DCLK2: variants seen among roughly 807,000 people sequenced by gnomAD.
The protein encoded by DCLK2 is serine/threonine-protein kinase DCLK2.
A neutral mutation model predicts 78.4 loss-of-function variants in DCLK2; 31 were observed. That is an observed-to-expected ratio of 0.40 (90% CI 0.30 to 0.53). DCLK2 has a LOEUF of 0.53. Ranked by LOEUF, DCLK2 falls within the 20% of genes least tolerant of loss-of-function variation. The pLI, the probability that DCLK2 is intolerant of heterozygous loss-of-function variation, is 0.61. For missense variants in DCLK2, 872 were observed against 973.7 expected (o/e 0.90, Z 1.39); for synonymous variants, 407 against 374.9 (o/e 1.09, Z -0.99).
intron 5 of DCLK2, among the ~76,000 whole-genome samples, chr4:150,219,255 A>G (rs1351924942): frequency 8.8e-6 from 1 of 113,522 alleles, no homozygotes; most frequent in Non-Finnish European, 1.9e-5. Flanking sequence ...GTTCACAAAC[A>G]TTCTTTTTTT....
intron 2 of DCLK2, among the ~76,000 whole-genome samples, chr4:150,140,507 C>T (rs72730361): frequency 0.014 from 2,079 of 152,314 alleles, 23 homozygotes; most frequent in South Asian, 0.027. Context: ...GGCAGAGTTG[C>T]TCACAAAACA....
chr4:150,224,694 C>A, intron 8 of DCLK2, 136 bp downstream of exon 8: 1 of 593,450 alleles, frequency 1.7e-6, no homozygotes, highest in South Asian at 3.6e-5. Context: ...GTGGGAAAAA[C>A]AGTTAAGCGG....
intron 10 of DCLK2, among the ~76,000 whole-genome samples, chr4:150,233,894 T>C (rs1287232739): frequency 1.3e-5 from 2 of 152,210 alleles, no homozygotes; most frequent in African/African-American, 4.8e-5. Flanking sequence ...TATAGAAGAA[T>C]TTTAGAGAAA....
intron 2 of DCLK2, among the ~76,000 whole-genome samples, chr4:150,138,126 G>A (rs1733826748): frequency 6.6e-6 from 1 of 152,188 alleles, no homozygotes; most frequent in African/African-American, 2.4e-5. Flanking sequence ...TAAAGTATTT[G>A]GAAGTAGCTT....
chr4:150,179,774 T>C (rs558657479), intron 2 of DCLK2, among the ~76,000 whole-genome samples: 65 of 152,208 alleles, frequency 4.3e-4, no homozygotes, highest in Non-Finnish European at 8.1e-4. Flanking sequence ...AAAACTGCAG[T>C]TACTTTTGCA....
rs1734002159 is a variant in DCLK2, at chr4:150,139,985, CTTAG to C, written c.756+37178_756+37181del. ...AAATTATCCTTCTAGAATGTCACTG[CTTAG>C]TTAGAGCTTAGCCTCATACAGTCTA... On this transcript the variant is annotated intron_variant, in intron 2 of 15. Transcript: ENST00000296550. 3.9e-5 allele frequency among the ~76,000 whole-genome samples: 6 copies of C among 152,248 alleles called. 1 individual carries two copies. Among genetic ancestry groups the C allele is most frequent in the Middle Eastern group, 3.4e-3 (1 of 294 alleles).
At chr4:150,094,086 G>C (rs1018984549) in intron 1 of DCLK2, among the ~76,000 whole-genome samples, 5 of 152,070 alleles carry the variant, frequency 3.3e-5, no homozygotes, top group Admixed American at 6.5e-5. Flanking sequence ...TTAAATATAA[G>C]ATCTGAAACT....
chr4:150,254,538 G>A, intron 15 of DCLK2: 1 of 398,508 alleles, frequency 2.5e-6, no homozygotes, highest in Non-Finnish European at 4.4e-6. Flanking sequence ...TTGTTTTCTT[G>A]TACCCAGGAG....
intron 2 of DCLK2, among the ~76,000 whole-genome samples, chr4:150,119,044 T>TATA (rs70937317): frequency 0.2 from 22,818 of 115,182 alleles, 1,911 homozygotes; most frequent in Middle Eastern, 0.25. Context: ...ACAATAATAA[T>TATA]ATAATAATAA....
At chr4:150,186,678 A>G (rs1202346726) in intron 2 of DCLK2, among the ~76,000 whole-genome samples, 2 of 152,330 alleles carry the variant, frequency 1.3e-5, no homozygotes, top group Non-Finnish European at 2.9e-5. Flanking sequence ...ATTTTATCAG[A>G]TGTTCTACAT....
chr4:150,185,731 A>G (rs1187580382), intron 2 of DCLK2, among the ~76,000 whole-genome samples: 1 of 151,778 alleles, frequency 6.6e-6, no homozygotes, highest in African/African-American at 2.4e-5. Flanking sequence ...AAAAAAAATT[A>G]ATTAATAAAT....
rs973934366 is a variant in DCLK2, at chr4:150,146,046, C to T, written c.756+43234C>T. 3.9e-5 allele frequency among the ~76,000 whole-genome samples: 6 copies of T among 152,270 alleles called. 1 individual carries two copies. In the East Asian group the frequency reaches 5.8e-4, roughly 15 times the overall value. Reference sequence around the variant, plus strand: ...GCAAAACAATTTCCTGCCTCCTAGCCTCCTGTTCATCTTTAAGTGCTGGAG... The same window carrying T: ...GCAAAACAATTTCCTGCCTCCTAGCTTCCTGTTCATCTTTAAGTGCTGGAG... On this transcript the variant is annotated intron_variant, in intron 2 of 15. Coordinates refer to ENST00000296550, the MANE Select transcript of DCLK2 (RefSeq NM_001040260.4).
chr4:150,210,044 C>T (rs1217189320), intron 5 of DCLK2, among the ~76,000 whole-genome samples: 1 of 152,186 alleles, frequency 6.6e-6, no homozygotes, highest in East Asian at 1.9e-4. Flanking sequence ...CACTTCATTC[C>T]AGCCTGGGCT....
At chr4:150,153,083 A>G (rs1735007851) in intron 2 of DCLK2, among the ~76,000 whole-genome samples, 1 of 152,164 alleles carries the variant, frequency 6.6e-6, no homozygotes, top group Admixed American at 6.5e-5. Flanking sequence ...AGTAAATGAG[A>G]ATTTTATTGG....
chr4:150,240,258 C>T, intron 11 of DCLK2, 141 bp from the exon 12 acceptor site: 3 of 716,300 alleles, frequency 4.2e-6, no homozygotes, highest in Non-Finnish European at 6.8e-6. Context: ...AAGTGTGATT[C>T]ATTCATCTCT....
At chr4:150,195,728 G>A (rs1441220589) in intron 3 of DCLK2, among the ~76,000 whole-genome samples, 2 of 151,146 alleles carry the variant, frequency 1.3e-5, no homozygotes, top group East Asian at 1.9e-4. Flanking sequence ...TACTTGGATC[G>A]TTGGTAGTTT....
chr4:150,245,864 C>A (rs889508723), intron 12 of DCLK2, among the ~76,000 whole-genome samples: 1 of 152,118 alleles, frequency 6.6e-6, no homozygotes, highest in Non-Finnish European at 1.5e-5. Context: ...CCTCAAGGAT[C>A]CAGAACTAGA....
chr4:150,089,605 G>A (rs1215687146), intron 1 of DCLK2, among the ~76,000 whole-genome samples: 1 of 152,150 alleles, frequency 6.6e-6, no homozygotes, highest in Non-Finnish European at 1.5e-5. Flanking sequence ...AATTGCAGAA[G>A]CCAAGTATTG....
At chr4:150,182,552 C>G (rs1326518306) in intron 2 of DCLK2, among the ~76,000 whole-genome samples, 1 of 152,106 alleles carries the variant, frequency 6.6e-6, no homozygotes, top group African/African-American at 2.4e-5. Flanking sequence ...TCAGGCAGAT[C>G]TTAGGTCATC....
Sources: gnomAD v4.1 joint callset for allele counts (sites outside exome capture counted in the v4.1 genomes callset) on GRCh38, gnomAD v4.1.1 for gene constraint, MANE v1.5 for transcripts, NCBI Gene and HGNC (gene_info 2026-07-23, HGNC 2026-07-21) for gene names.